Variants in LMF1 observed in about 807,000 individuals in gnomAD.
LMF1 encodes the protein lipase maturation factor 1.
LMF1 carries 68 observed loss-of-function variants against 60.6 expected under a neutral mutation model. The observed-to-expected ratio is 1.12, with a 90% CI of 0.92 to 1.37. The LOEUF (loss-of-function observed/expected upper bound fraction) is 1.37, where lower values mean the gene tolerates loss of function less well. Among genes scored for constraint, LMF1 ranks in the 40% most tolerant of loss-of-function variants. The probability of loss-of-function intolerance (pLI) is 0.00; values close to 1 mark genes in which losing one functional copy is unlikely to be tolerated. For missense variants in LMF1, 948 were observed against 767.2 expected (o/e 1.24, Z -2.78); for synonymous variants, 418 against 324.7 (o/e 1.29, Z -3.09).
intron 5 of LMF1, among the ~76,000 whole-genome samples, chr16:887,427 C>G (rs1466625553): frequency 3.9e-5 from 6 of 152,192 alleles, no homozygotes; most frequent in Non-Finnish European, 8.8e-5. Context: ...TCCTGCAGCT[C>G]CTGCTGGGAG....
At chr16:977,912 CCACACACATACCA>C (rs1488340553) in intron 1 of LMF1, among the ~76,000 whole-genome samples, 1 of 144,340 alleles carries the variant, frequency 6.9e-6, no homozygotes, top group Non-Finnish European at 1.5e-5. Flanking sequence ...AACACACACA[CCACACACATACCA>C]CACACATACA....
intron 10 of LMF1, among the ~76,000 whole-genome samples, chr16:861,016 G>GTT (rs3054320): frequency 3.6e-4 from 53 of 146,884 alleles, no homozygotes; most frequent in African/African-American, 1.3e-3. Context: ...ATCTTGCTGG[G>GTT]TTTTTTTTTT....
intron 2 of LMF1, among the ~76,000 whole-genome samples, chr16:945,211 C>CAAAAAAAAAAAAA (rs60283096): frequency 3.5e-4 from 28 of 78,962 alleles, no homozygotes; most frequent in African/African-American, 9.9e-4. Context: ...GACTCCATCT[C>CAAAAAAAAAAAAA]AAAAAAAAAA....
intron 1 of LMF1, chr16:981,074 GCT>G (rs1472895803): frequency 3.6e-6 from 1 of 278,686 alleles, no homozygotes; most frequent in African/African-American, 2.3e-5. Context: ...CGCTCTCCAC[GCT>G]CGCACTCGTA....
At chr16:857,855 C>T (rs1439819001) in intron 10 of LMF1, among the ~76,000 whole-genome samples, 1 of 76,024 alleles carries the variant, frequency 1.3e-5, no homozygotes, top group African/African-American at 1.1e-4. Flanking sequence ...AGTGGTGTCT[C>T]GGGATGGGTG....
chr16:925,397 T>C (rs1479264718), intron 3 of LMF1, among the ~76,000 whole-genome samples: 1 of 152,164 alleles, frequency 6.6e-6, no homozygotes, highest in East Asian at 1.9e-4. Flanking sequence ...AACAAAATGT[T>C]AATGATCGTG....
chr16:925,662 G>A lies in LMF1; in HGVS notation c.514+8582C>T, dbSNP rs143458246. Among the ~76,000 whole-genome samples the A allele has an allele frequency of 1.5e-3, 221 of 152,310 alleles. 1 individual carries two copies. Among genetic ancestry groups the A allele is most frequent in the African/African-American group, 4.7e-3 (197 of 41,578 alleles). ...AGGTGGGAGGATCACTTGAGTCTGC[G>A]GAGGTCGAGGCTGCAATGAGCCGTG... On this transcript the variant is annotated intron_variant, in intron 3 of 10. Coordinates refer to ENST00000262301, the MANE Select transcript of LMF1 (RefSeq NM_022773.4).
At chr16:934,960 C>T (rs946198161) in intron 2 of LMF1, among the ~76,000 whole-genome samples, 50 of 152,216 alleles carry the variant, frequency 3.3e-4, no homozygotes, top group Non-Finnish European at 1.3e-4. Flanking sequence ...CACCAATGCC[C>T]GCATGAGGAG....
intron 3 of LMF1, among the ~76,000 whole-genome samples, chr16:915,828 G>T (rs554414122): frequency 6.6e-6 from 1 of 152,078 alleles, no homozygotes. Flanking sequence ...ACCGGGGGCC[G>T]GAGCAGGTGA....
At chr16:931,930 G>GA in intron 3 of LMF1, 2 of 703,468 alleles carry the variant, frequency 2.8e-6, no homozygotes, top group South Asian at 3.5e-5. Context: ...TAGAATGTAT[G>GA]ACGCTCACCT....
At chr16:854,809 C>T (rs1285316595) in intron 10 of LMF1, 103 bp from the exon 11 acceptor site, 33 of 1,096,522 alleles carry the variant, frequency 3.0e-5, no homozygotes, top group East Asian at 2.6e-4. Flanking sequence ...GGGTCCCCCA[C>T]GGACAGAGGG....
chr16:979,566 G>C (rs750972409), intron 1 of LMF1: 4 of 445,268 alleles, frequency 9.0e-6, no homozygotes, highest in South Asian at 3.2e-5. Context: ...CCCAACCTCA[G>C]TCTCCCTTCC....
At chr16:863,788 G>A (rs1251583604) in intron 10 of LMF1, among the ~76,000 whole-genome samples, 15 of 152,146 alleles carry the variant, frequency 9.9e-5, no homozygotes, top group Admixed American at 9.8e-4. Context: ...TGCTTCCACG[G>A]CATCCAGCTG....
At chr16:916,783 G>A (rs775745228) in intron 3 of LMF1, among the ~76,000 whole-genome samples, 2 of 152,256 alleles carry the variant, frequency 1.3e-5, no homozygotes, top group Non-Finnish European at 2.9e-5. Flanking sequence ...GAGGCCTGCG[G>A]CCTTGGGATG....
intron 4 of LMF1, among the ~76,000 whole-genome samples, chr16:907,676 G>C (rs527694641): frequency 2.0e-5 from 3 of 152,264 alleles, no homozygotes; most frequent in South Asian, 4.2e-4. Flanking sequence ...CCAAGTGCGC[G>C]AGCGGGGGAA....
intron 1 of LMF1, among the ~76,000 whole-genome samples, chr16:958,693 C>T (rs901882103): frequency 1.3e-5 from 2 of 152,118 alleles, no homozygotes; most frequent in African/African-American, 2.4e-5. Flanking sequence ...TCAAGACCAG[C>T]CTGGCCAATG....
chr16:951,618 A>G (rs1196728798), intron 2 of LMF1, among the ~76,000 whole-genome samples: 2 of 152,250 alleles, frequency 1.3e-5, no homozygotes, highest in African/African-American at 2.4e-5. Flanking sequence ...ACAGACCCCC[A>G]AAGTACCAAA....
At chr16:973,621 C>T (rs961674724), upstream of LMF1, among the ~76,000 whole-genome samples, 5 of 152,196 alleles carry the variant, frequency 3.3e-5, no homozygotes, top group Admixed American at 3.3e-4. Flanking sequence ...GCGATGGCTG[C>T]CCAGCACTGT....
chr16:901,100 A>G (rs2070800690), intron 4 of LMF1: 1 of 152,226 alleles, frequency 6.6e-6, no homozygotes, highest in South Asian at 2.1e-4. Context: ...GGGGGAAGGT[A>G]CAGAAAACAG....
Sources: allele counts gnomAD v4.1 joint callset (sites outside exome capture counted in the v4.1 genomes callset), GRCh38; gene constraint gnomAD v4.1.1; transcripts MANE v1.5; gene names NCBI Gene and HGNC (gene_info 2026-07-23, HGNC 2026-07-21).